The following GORASP2 variants were observed in gnomAD, a reference collection of about 807,000 sequenced individuals.
GORASP2 encodes Golgi reassembly-stacking protein 2.
In GORASP2, 22 loss-of-function variants were observed where a neutral mutation model predicts 45.7. The ratio of observed to expected loss-of-function variants is 0.48; its 90% CI spans 0.34 to 0.69. The LOEUF is 0.69. GORASP2 is among the 30% of genes least tolerant of loss of function. The pLI, the probability that GORASP2 is intolerant of heterozygous loss-of-function variation, is 0.01. For synonymous variants in GORASP2, 221 were observed against 215.6 expected (o/e 1.02, Z -0.22); for missense variants, 491 against 562.7 (o/e 0.87, Z 1.29).
chr2:170,957,876 C>T (rs1221060529), intron 7 of GORASP2, among the ~76,000 whole-genome samples: 1 of 152,142 alleles, frequency 6.6e-6, no homozygotes, highest in African/African-American at 2.4e-5. Context: ...CCAGGCTGGT[C>T]CCTAACTCCT....
chr2:170,937,123 G>A (rs375879661), intron 1 of GORASP2, among the ~76,000 whole-genome samples: 11 of 151,880 alleles, frequency 7.2e-5, no homozygotes, highest in East Asian at 1.9e-4. Flanking sequence ...CAGGAGAATC[G>A]CTTGAACCCT....
chr2:170,966,190 C>A lies in GORASP2; in HGVS notation c.*60C>A. On this transcript the variant is annotated 3_prime_UTR_variant, in exon 10 of 10. Transcript: ENST00000234160. ...TTAACCACGGGAGCGTGTCTGGAAACGCAAACTATCATTAATTTCATACTA... is the reference window on the plus strand; with the variant it reads ...TTAACCACGGGAGCGTGTCTGGAAAAGCAAACTATCATTAATTTCATACTA... The A allele has an allele frequency of 1.7e-6, 2 of 1,143,242 alleles. No individual in the cohort carries two copies. Among genetic ancestry groups the A allele is most frequent in the Non-Finnish European group, 2.7e-6 (2 of 754,644 alleles). The allele number at this position is 1,143,242 out of a possible 1,614,324, so 70.8% of individuals were successfully genotyped here. A position where few individuals can be genotyped will look rare whatever the true frequency, so the allele number is the denominator to read the frequency against.
At chr2:170,942,817 C>G (rs1704106972) in intron 1 of GORASP2, among the ~76,000 whole-genome samples, 1 of 152,180 alleles carries the variant, frequency 6.6e-6, no homozygotes, top group Non-Finnish European at 1.5e-5. Context: ...ATTTTACATT[C>G]CCACCAGCAA....
chr2:170,948,299 A>T (rs755039458), intron 1 of GORASP2, 51 bp from the exon 2 acceptor site: 2 of 1,037,710 alleles, frequency 1.9e-6, no homozygotes, highest in East Asian at 2.4e-5. Context: ...TCGGCTTACA[A>T]TTTTCACCTA....
intron 1 of GORASP2, among the ~76,000 whole-genome samples, chr2:170,941,645 C>A (rs1464057461): frequency 6.6e-6 from 1 of 152,150 alleles, no homozygotes; most frequent in African/African-American, 2.4e-5. Context: ...TTGTATCTGG[C>A]TTCTTTTGCT....
At chr2:170,932,294 C>T (rs1430687780) in intron 1 of GORASP2, among the ~76,000 whole-genome samples, 1 of 152,058 alleles carries the variant, frequency 6.6e-6, no homozygotes, top group Admixed American at 6.6e-5. Context: ...TAATCATGAT[C>T]CATGCTGTTG....
At chr2:170,954,940 T>C (rs1046350899) in intron 6 of GORASP2, among the ~76,000 whole-genome samples, 158 bp downstream of exon 6, 6 of 152,152 alleles carry the variant, frequency 3.9e-5, no homozygotes, top group Non-Finnish European at 2.9e-5. Flanking sequence ...AATACCTAGA[T>C]AGAGGTTAGA....
At chr2:170,964,711 G>A (rs556741182) in intron 9 of GORASP2, among the ~76,000 whole-genome samples, 6 of 151,944 alleles carry the variant, frequency 3.9e-5, no homozygotes, top group Admixed American at 1.3e-4. Context: ...ATTTACTGTC[G>A]CAGCGCTCAC....
At chr2:170,953,528 G>T (rs1307769571) in intron 5 of GORASP2, among the ~76,000 whole-genome samples, 2 of 152,132 alleles carry the variant, frequency 1.3e-5, no homozygotes, top group Non-Finnish European at 2.9e-5. Flanking sequence ...GGAAATAAAA[G>T]ACATCATGAT....
At chr2:170,946,688 T>C (rs568531951) in intron 1 of GORASP2, among the ~76,000 whole-genome samples, 4 of 150,650 alleles carry the variant, frequency 2.7e-5, no homozygotes, top group African/African-American at 7.3e-5. Flanking sequence ...TCCCAACACA[T>C]TGGGAGGCCG....
chr2:170,950,490 T>C (rs1476532890), intron 4 of GORASP2, among the ~76,000 whole-genome samples, 200 bp downstream of exon 4: 1 of 152,232 alleles, frequency 6.6e-6, no homozygotes, highest in African/African-American at 2.4e-5. Context: ...AAACACATAC[T>C]GTGCGGCAAT....
intron 1 of GORASP2, among the ~76,000 whole-genome samples, chr2:170,934,719 C>T (rs1353229541): frequency 6.6e-6 from 1 of 151,876 alleles, no homozygotes; most frequent in African/African-American, 2.4e-5. Flanking sequence ...GAATTGATCT[C>T]TCCTTTTTTT....
rs766848912 is a variant in GORASP2 at position 170,950,204 on chromosome 2, G to A, written c.349G>A (p.Glu117Lys). ...AGGGTGTGTGTTTATGTCATTCTAG[G>A]AGGTGGAATCAAATTCTCCTGCAGC... Reference protein sequence around the residue: ...GANENVWHVLEVESNSPAALA... With the variant: ...GANENVWHVLKVESNSPAALA... Residue 117 changes from glutamate to lysine, a missense_variant and splice_region_variant, in exon 4 of 10, where the codon GAG (glutamate) becomes AAG (lysine). Glu to Lys is a moderately conservative substitution (Grantham distance 56, BLOSUM62 1). Coordinates refer to ENST00000234160, the MANE Select transcript of GORASP2 (RefSeq NM_015530.5). 1 of 1,485,458 alleles carries A rather than the reference G, an allele frequency of 6.7e-7. No individual in the cohort carries two copies. Among genetic ancestry groups the A allele is most frequent in the East Asian group, 2.3e-5 (1 of 43,186 alleles). The allele number at this position is 1,485,458 out of a possible 1,614,324, so 92.0% of individuals were successfully genotyped here. A position where few individuals can be genotyped will look rare whatever the true frequency, so the allele number is the denominator to read the frequency against.
In GORASP2 at chr2:170,954,342, A is replaced by G. The variant is rs1427033772; in HGVS notation, c.567-308A>G. 4 of 217,474 alleles carry G rather than the reference A, an allele frequency of 1.8e-5. 1 individual carries two copies. Among genetic ancestry groups the G allele is most frequent in the Middle Eastern group, 3.2e-3 (2 of 622 alleles). 13.5% of individuals were successfully genotyped at this position (217,474 alleles called of 1,614,324 possible). On this transcript the variant is annotated intron_variant, in intron 5 of 9. Coordinates refer to ENST00000234160, the MANE Select transcript of GORASP2 (RefSeq NM_015530.5). Reference sequence around the variant, plus strand: ...TAACATTTTGTTGGGGGAGATAGATAGTAAATAAATATGCAGTGTGTTGGA... The same window carrying G: ...TAACATTTTGTTGGGGGAGATAGATGGTAAATAAATATGCAGTGTGTTGGA...
At chr2:170,944,967 C>G (rs1437943928) in intron 1 of GORASP2, among the ~76,000 whole-genome samples, 2 of 152,092 alleles carry the variant, frequency 1.3e-5, no homozygotes, top group Non-Finnish European at 2.9e-5. Flanking sequence ...TTGATAACCA[C>G]CTAATAGGCA....
At chr2:170,936,786 C>A (rs762058622) in intron 1 of GORASP2, 41 of 460,054 alleles carry the variant, frequency 8.9e-5, no homozygotes, top group Non-Finnish European at 1.6e-4. Flanking sequence ...GATCCGGTCT[C>A]AATAAAAGCA....
intron 3 of GORASP2, chr2:170,949,944 A>T (rs1250817419): frequency 5.3e-6 from 3 of 566,912 alleles, no homozygotes; most frequent in Non-Finnish European, 9.5e-6. Context: ...CAAGTTTAAG[A>T]ACTTTTTCTA....
chr2:170,951,319 CT>C lies in GORASP2; in HGVS notation c.436-5del. The C allele has an allele frequency of 6.3e-7, 1 of 1,589,724 alleles. No homozygotes were observed. Among genetic ancestry groups the C allele is most frequent in the South Asian group, 1.2e-5 (1 of 86,796 alleles). On this transcript the variant is annotated splice_region_variant and splice_polypyrimidine_tract_variant and intron_variant, in intron 4 of 9. Coordinates refer to ENST00000234160, the MANE Select transcript of GORASP2 (RefSeq NM_015530.5). ...ACGTGAAACATTTTCTCCTGTGACACTTTTGCAGTCTGAAGATCTATTCAGC... is the reference window on the plus strand; with the variant it reads ...ACGTGAAACATTTTCTCCTGTGACACTTTGCAGTCTGAAGATCTATTCAGC...
intron 5 of GORASP2, among the ~76,000 whole-genome samples, chr2:170,952,877 T>C (rs979488009): frequency 6.6e-6 from 1 of 152,228 alleles, no homozygotes; most frequent in African/African-American, 2.4e-5. Flanking sequence ...GGCCTTGCTT[T>C]GTTTCCCAGG....
Sources: gnomAD v4.1 joint callset for allele counts (sites outside exome capture counted in the v4.1 genomes callset) on GRCh38, gnomAD v4.1.1 for gene constraint, MANE v1.5 for transcripts, NCBI Gene and HGNC (gene_info 2026-07-23, HGNC 2026-07-21) for gene names.